Variants in CCDC175 observed in about 807,000 individuals in gnomAD.
The protein encoded by CCDC175 is coiled-coil domain-containing protein 175.
CCDC175 carries 100 observed loss-of-function variants against 114.6 expected under a neutral mutation model. The ratio of observed to expected loss-of-function variants is 0.87; its 90% confidence interval spans 0.74 to 1.03. The LOEUF is 1.03. CCDC175 is among the 50% of genes least tolerant of loss of function. The pLI is 0.00. For synonymous variants in CCDC175, 306 were observed against 308.7 expected (o/e 0.99, Z 0.09); for missense variants, 880 against 917.8 (o/e 0.96, Z 0.53).
Position 59,565,084 on chromosome 14 carries a change from G to A in CCDC175, c.683C>T (p.Ala228Val), listed in dbSNP as rs765637382. 5.2e-6 allele frequency: 8 copies of A among 1,537,046 alleles called. No homozygotes were observed. Among genetic ancestry groups the A allele is most frequent in the African/African-American group, 1.4e-5 (1 of 72,964 alleles). Reference protein sequence around the residue: ...EAEELMEKERAEYLIRKQELT... With the variant: ...EAEELMEKERVEYLIRKQELT... The stretch of plus-strand genomic sequence containing the variant: ...CTCTTGTTTTCTTATTAGATATTCT[G>A]CCCTTTCTTTTTCCATTAGCTCCTC... Residue 228 changes from alanine (A) to valine (V), a missense_variant, in exon 5 of 20, where the codon GCA (alanine) becomes GTA (valine). Physicochemically the swap from Ala to Val is moderately conservative, Grantham distance 64. Transcript: ENST00000537690.
At chr14:59,557,179 C>T (rs527731326) in intron 7 of CCDC175, among the ~76,000 whole-genome samples, 19 of 152,124 alleles carry the variant, frequency 1.2e-4, no homozygotes, top group Non-Finnish European at 2.1e-4. Context: ...ATGTTTATTG[C>T]GGCACTATTC....
chr14:59,565,626 G>A (rs1200698618), intron 4 of CCDC175, among the ~76,000 whole-genome samples: 1 of 151,954 alleles, frequency 6.6e-6, no homozygotes, highest in Non-Finnish European at 1.5e-5. Context: ...ATAATTGCTT[G>A]AACCTGGGAG....
Position 59,540,572 on chromosome 14 carries a change from G to C in CCDC175, c.1355+103C>G, listed in dbSNP as rs1004878710. ...ATAATTTAGGAAAATCATTCCCTTGGGTTCTAGTAACAACAAGTACTCTGC... is the reference window on the plus strand; with the variant it reads ...ATAATTTAGGAAAATCATTCCCTTGCGTTCTAGTAACAACAAGTACTCTGC... On this transcript the variant is annotated intron_variant, in intron 11 of 19. Transcript: ENST00000537690. The C allele has an allele frequency of 7.4e-6, 9 of 1,211,820 alleles. No individual in the cohort carries two copies. The East Asian group carries it at 2.1e-4, about 28-fold the overall frequency. 75.1% of individuals were successfully genotyped at this position (1,211,820 alleles called of 1,614,324 possible).
At chr14:59,570,313 TC>T (rs758299091) in intron 3 of CCDC175, among the ~76,000 whole-genome samples, 34 of 152,050 alleles carry the variant, frequency 2.2e-4, no homozygotes, top group Non-Finnish European at 4.3e-4. Flanking sequence ...CTCCTCCATA[TC>T]CCTCCTATGC....
At chr14:59,511,498 G>A (rs1290851260) in intron 18 of CCDC175, among the ~76,000 whole-genome samples, 1 of 144,142 alleles carries the variant, frequency 6.9e-6, no homozygotes, top group Admixed American at 7.1e-5. Flanking sequence ...CTGAGTGGTA[G>A]AGTGGGAAGA....
At position 59,538,839 on chromosome 14, in the gene CCDC175, CACTAGAG is replaced by C. The variant is rs1440413088; in HGVS notation, c.1356-6_1356del. On this transcript the variant is annotated splice_acceptor_variant and splice_polypyrimidine_tract_variant and coding_sequence_variant and intron_variant, in exon 12 of 20. Coordinates refer to ENST00000537690, the MANE Select transcript of CCDC175 (RefSeq NM_001164399.2). LOFTEE classifies it high-confidence loss of function. ...CAAGCCATTTTCCACTGAGTTATAA[CACTAGAG>C]ATTAGAGCAAAAAGAATTGCCATTA... 13 of 1,530,474 alleles carry C rather than the reference CACTAGAG, an allele frequency of 8.5e-6. No individual in the cohort carries two copies. In the East Asian group the frequency reaches 3.2e-4, roughly 37 times the overall value. The allele number at this position is 1,530,474 out of a possible 1,614,324, so 94.8% of individuals were successfully genotyped here.
intron 17 of CCDC175, among the ~76,000 whole-genome samples, chr14:59,513,217 C>T (rs1040611456): frequency 3.3e-5 from 5 of 152,168 alleles, no homozygotes; most frequent in African/African-American, 1.2e-4. Flanking sequence ...GGAACAGCTC[C>T]AGTCTACAGC....
intron 7 of CCDC175, among the ~76,000 whole-genome samples, chr14:59,554,852 A>G (rs12147931): frequency 0.26 from 38,797 of 151,580 alleles, 6,160 homozygotes; most frequent in Non-Finnish European, 0.34. Context: ...ACGCAAATAA[A>G]CTAGAAAATC....
chr14:59,572,871 T>C, intron 2 of CCDC175, 58 bp from the exon 3 acceptor site: 1 of 967,312 alleles, frequency 1.0e-6, no homozygotes, highest in Non-Finnish European at 1.5e-6. Context: ...AAGATTGATT[T>C]CCTAAACAAT....
chr14:59,531,717 G>C (rs1894083966), intron 14 of CCDC175, 55 bp downstream of exon 14: 1 of 1,261,500 alleles, frequency 7.9e-7, no homozygotes, highest in Admixed American at 2.9e-5. Flanking sequence ...GTTAGAAGAT[G>C]ACAGTGAAAT....
chr14:59,513,156 C>T (rs1036796908), intron 17 of CCDC175, among the ~76,000 whole-genome samples: 3 of 152,120 alleles, frequency 2.0e-5, no homozygotes, highest in African/African-American at 7.2e-5. Context: ...CATTGCTTCA[C>T]ATCATATAAA....
intron 4 of CCDC175, among the ~76,000 whole-genome samples, chr14:59,565,949 C>T (rs1896514593): frequency 6.6e-6 from 1 of 152,154 alleles, no homozygotes; most frequent in Non-Finnish European, 1.5e-5. Flanking sequence ...TCATGTCTAT[C>T]TTATCATCCT....
At chr14:59,517,857 C>T (rs1429084534) in intron 17 of CCDC175, among the ~76,000 whole-genome samples, 12 of 152,174 alleles carry the variant, frequency 7.9e-5, no homozygotes, top group Admixed American at 2.0e-4. Flanking sequence ...GAGCCCGCAT[C>T]GCCAAGTCAA....
intron 17 of CCDC175, among the ~76,000 whole-genome samples, chr14:59,512,472 A>C (rs1427616451): frequency 6.6e-6 from 1 of 152,182 alleles, no homozygotes; most frequent in Non-Finnish European, 1.5e-5. Context: ...GGGGAAATTA[A>C]GTGCATCCCT....
At chr14:59,552,562 TC>T (rs972904882) in intron 7 of CCDC175, among the ~76,000 whole-genome samples, 4 of 151,392 alleles carry the variant, frequency 2.6e-5, no homozygotes, top group Admixed American at 6.6e-5. Flanking sequence ...TCAGAGCACC[TC>T]CCCCCCTCCA....
At chr14:59,507,836 G>A (rs991092777) in intron 19 of CCDC175, among the ~76,000 whole-genome samples, 4 of 152,200 alleles carry the variant, frequency 2.6e-5, no homozygotes, top group African/African-American at 9.7e-5. Context: ...GAGCTTAGCT[G>A]GCATGGTGGC....
intron 17 of CCDC175, among the ~76,000 whole-genome samples, chr14:59,517,192 G>A (rs1893142400): frequency 6.6e-6 from 1 of 152,144 alleles, no homozygotes; most frequent in Non-Finnish European, 1.5e-5. Flanking sequence ...AGCTATCTAT[G>A]ACAAACCCAC....
chr14:59,560,284 A>G (rs1896151298), intron 7 of CCDC175, among the ~76,000 whole-genome samples: 2 of 152,164 alleles, frequency 1.3e-5, no homozygotes, highest in Admixed American at 1.3e-4. Context: ...AAGATTCTAC[A>G]TGTGAGGTTA....
Position 59,565,091 on chromosome 14 carries a change from C to A in CCDC175, c.676G>T (p.Glu226Ter), listed in dbSNP as rs771324708. ...TTTCTTATTAGATATTCTGCCCTTT[C>A]TTTTTCCATTAGCTCCTCTGCCTCT... ...IQEAEELMEK[E>*]RAEYLIRKQE... Residue 226 changes from glutamate to a stop codon, truncating the protein, a stop_gained, in exon 5 of 20, where the codon GAA (glutamate) becomes TAA (stop). Transcript: ENST00000537690. LOFTEE classifies it high-confidence loss of function. 4.6e-6 allele frequency: 7 copies of A among 1,537,562 alleles called. No individual in the cohort carries two copies. The highest frequency in any genetic ancestry group is 6.1e-6 in the Non-Finnish European group (7 of 1,146,974).
Sources: gnomAD v4.1 joint callset for allele counts (sites outside exome capture counted in the v4.1 genomes callset) on GRCh38, gnomAD v4.1.1 for gene constraint, MANE v1.5 for transcripts, NCBI Gene and HGNC (gene_info 2026-07-23, HGNC 2026-07-21) for gene names.